Variants in SPATA22 observed in about 807,000 individuals in gnomAD.
The protein encoded by SPATA22 is spermatogenesis-associated protein 22.
In SPATA22, 29 loss-of-function variants were observed where a neutral mutation model predicts 47.8. That is an observed-to-expected ratio of 0.61 (90% CI 0.45 to 0.83). The LOEUF (loss-of-function observed/expected upper bound fraction) is 0.83, where lower values mean the gene tolerates loss of function less well. Among genes scored for constraint, SPATA22 ranks in the 40% least tolerant of loss-of-function variants. SPATA22 has a pLI of 0.00. For missense variants in SPATA22, 410 were observed against 421.7 expected, an observed-to-expected ratio of 0.97 and a Z score of 0.24; for synonymous variants, 133 against 140.9, an observed-to-expected ratio of 0.94 and a Z score of 0.40.
chr17:3,446,433 G>A, intron 7 of SPATA22, 39 bp downstream of exon 7: 1 of 1,569,768 alleles, frequency 6.4e-7, no homozygotes, highest in East Asian at 2.3e-5. Flanking sequence ...CTGTCCTCCA[G>A]AGAGTATTAC....
At chr17:3,471,852 C>T (rs143134811), upstream of SPATA22, 3 of 985,514 alleles carry the variant, frequency 3.0e-6, no homozygotes, top group Non-Finnish European at 3.6e-6. Context: ...ACCGCGCAGG[C>T]GCAGTGGCCG....
chr17:3,497,707 G>A (rs557972120), intron 1 of SPATA22, among the ~76,000 whole-genome samples: 8 of 152,286 alleles, frequency 5.3e-5, no homozygotes, highest in South Asian at 2.1e-4. Context: ...TGTCGTGCAC[G>A]TGAACGTCAA....
rs367753523 is a variant in SPATA22, at chr17:3,443,610, T to C, written c.803-339A>G. Among the ~76,000 whole-genome samples, 8 of 152,058 alleles carry C rather than the reference T, an allele frequency of 5.3e-5. No homozygotes were observed. The South Asian group carries it at 1.7e-3, about 32-fold the overall frequency. On this transcript the variant is annotated intron_variant, in intron 7 of 8. Coordinates refer to ENST00000572969, the MANE Select transcript of SPATA22 (RefSeq NM_001170698.2). ...CAACATTATAATAATAAAATGCACA[T>C]GTGTAACAAATAAGCATCATAATTT... is the stretch of plus-strand genomic sequence containing the variant.
At chr17:3,471,459 A>C (rs1234036082) in intron 1 of SPATA22, 1 of 985,314 alleles carries the variant, frequency 1.0e-6, no homozygotes, top group Admixed American at 6.1e-5. Flanking sequence ...AATGGACCTA[A>C]GTGGCGTTAG....
At chr17:3,482,481 A>C (rs552642052) in intron 1 of SPATA22, among the ~76,000 whole-genome samples, 2 of 152,306 alleles carry the variant, frequency 1.3e-5, no homozygotes, top group East Asian at 3.9e-4. Context: ...GAGAGCAAGG[A>C]TGATTGAGAG....
upstream of SPATA22, among the ~76,000 whole-genome samples, chr17:3,472,656 T>C (rs1040602656): frequency 6.6e-6 from 1 of 152,252 alleles, no homozygotes; most frequent in African/African-American, 2.4e-5. Flanking sequence ...TAGTGGATTC[T>C]AGAGCTGTCT....
chr17:3,443,368 A>G, intron 7 of SPATA22, 97 bp from the exon 8 acceptor site: 1 of 776,772 alleles, frequency 1.3e-6, no homozygotes, highest in African/African-American at 1.8e-5. Flanking sequence ...ATCCATATCA[A>G]CCTCTCATAG....
At chr17:3,499,578 T>C (rs1463762893) in intron 1 of SPATA22, 1 of 152,994 alleles carries the variant, frequency 6.5e-6, no homozygotes, top group Non-Finnish European at 1.5e-5. Context: ...TATTTCAAGC[T>C]TTTTTATGAT....
At chr17:3,457,001 C>A (rs554536429) in intron 5 of SPATA22, among the ~76,000 whole-genome samples, 1 of 152,062 alleles carries the variant, frequency 6.6e-6, no homozygotes, top group South Asian at 2.1e-4. Context: ...TTCAACAACC[C>A]TTCATGCTAA....
intron 1 of SPATA22, among the ~76,000 whole-genome samples, chr17:3,470,761 G>A (rs201333804): frequency 7.8e-5 from 11 of 140,310 alleles, no homozygotes; most frequent in African/African-American, 2.7e-4. Context: ...AAAAAAAAAA[G>A]AAAAAAAAAC....
chr17:3,458,751 G>C (rs2073051869), intron 5 of SPATA22, among the ~76,000 whole-genome samples: 3 of 145,378 alleles, frequency 2.1e-5, no homozygotes. Flanking sequence ...TGAGGCAGGA[G>C]AATCACTTGA....
chr17:3,494,560 G>A, intron 1 of SPATA22: 1 of 965,878 alleles, frequency 1.0e-6, no homozygotes, highest in Non-Finnish European at 1.7e-6. Context: ...TCGCCCATTT[G>A]ATGCTCTCAT....
At chr17:3,466,114 A>G (rs1168925173) in intron 3 of SPATA22, among the ~76,000 whole-genome samples, 2 of 151,322 alleles carry the variant, frequency 1.3e-5, no homozygotes, top group Non-Finnish European at 2.9e-5. Context: ...TATCTTTTAT[A>G]TATTTTGTTT....
chr17:3,459,859 T>G (rs967019588), intron 5 of SPATA22, among the ~76,000 whole-genome samples: 1 of 152,162 alleles, frequency 6.6e-6, no homozygotes, highest in Non-Finnish European at 1.5e-5. Context: ...CCTGAGCAAG[T>G]TGAAGGAGAT....
At chr17:3,472,892 T>G (rs1487763018), upstream of SPATA22, among the ~76,000 whole-genome samples, 2 of 151,962 alleles carry the variant, frequency 1.3e-5, no homozygotes, top group Non-Finnish European at 2.9e-5. Context: ...AATGCCAGAG[T>G]AAGGAACAGC....
chr17:3,444,931 C>A (rs1226419669), intron 7 of SPATA22, among the ~76,000 whole-genome samples: 3 of 151,922 alleles, frequency 2.0e-5, no homozygotes, highest in Non-Finnish European at 4.4e-5. Flanking sequence ...AAAGCATGGA[C>A]CCCCTTCATT....
intron 1 of SPATA22, among the ~76,000 whole-genome samples, chr17:3,484,297 G>A (rs569065130): frequency 2.0e-5 from 3 of 152,254 alleles, no homozygotes; most frequent in South Asian, 2.1e-4. Flanking sequence ...TGCTAGGTGC[G>A]GGGGACAGAA....
intron 1 of SPATA22, among the ~76,000 whole-genome samples, chr17:3,489,717 ATG>A (rs2073789579): frequency 6.6e-6 from 1 of 152,234 alleles, no homozygotes; most frequent in African/African-American, 2.4e-5. Flanking sequence ...GCGTTGGTAA[ATG>A]TGTAGGAAAA....
At chr17:3,506,277 G>A (rs928421412) in intron 1 of SPATA22, among the ~76,000 whole-genome samples, 1 of 152,148 alleles carries the variant, frequency 6.6e-6, no homozygotes, top group African/African-American at 2.4e-5. Flanking sequence ...TTGGTGGGTT[G>A]CACAATATGA....
Sources: gnomAD v4.1 joint callset for allele counts (sites outside exome capture counted in the v4.1 genomes callset) on GRCh38, gnomAD v4.1.1 for gene constraint, MANE v1.5 for transcripts, NCBI Gene and HGNC (gene_info 2026-07-23, HGNC 2026-07-21) for gene names.